The following COMMD1 variants were observed in gnomAD, a reference collection of about 807,000 sequenced individuals.
COMMD1 encodes copper metabolism domain containing 1.
Under a neutral mutation model 17.2 loss-of-function variants are expected in COMMD1, and 10 were observed. The ratio of observed to expected loss-of-function variants is 0.58; its 90% CI spans 0.36 to 0.99. The LOEUF is 0.99. Among genes scored for constraint, COMMD1 ranks in the 50% least tolerant of loss-of-function variants. The pLI, the probability that COMMD1 is intolerant of heterozygous loss-of-function variation, is 0.01. For missense variants in COMMD1, 270 were observed against 231.8 expected (o/e 1.17, Z -1.07); for synonymous variants, 97 against 91.6 (o/e 1.06, Z -0.34).
At chr2:61,922,129 G>C (rs1004095220) in intron 1 of COMMD1, among the ~76,000 whole-genome samples, 3 of 152,122 alleles carry the variant, frequency 2.0e-5, no homozygotes, top group Non-Finnish European at 2.9e-5. Flanking sequence ...ATAATGTTTT[G>C]TGTTATGATA....
At chr2:61,977,241 C>CATTTTTTTTTTTTTTTT (rs1365232073) in intron 1 of COMMD1, among the ~76,000 whole-genome samples, 1 of 88,810 alleles carries the variant, frequency 1.1e-5, no homozygotes, top group Non-Finnish European at 2.2e-5. Context: ...ATAAAGTTTG[C>CATTTTTTTTTTTTTTTT]TTTTTTTTTT....
At chr2:62,047,365 C>T (rs953064783) in intron 2 of COMMD1, among the ~76,000 whole-genome samples, 57 of 152,106 alleles carry the variant, frequency 3.7e-4, no homozygotes, top group Non-Finnish European at 2.9e-5. Flanking sequence ...ACAGTAATGT[C>T]CTAGGCCTTC....
chr2:61,920,982 T>TATATA (rs1553367990), intron 1 of COMMD1, among the ~76,000 whole-genome samples: 10 of 108,660 alleles, frequency 9.2e-5, no homozygotes, highest in African/African-American at 1.1e-4. Context: ...TATATATATA[T>TATATA]TTTTTTTTTT....
At chr2:62,040,819 T>C (rs1353382255) in intron 2 of COMMD1, among the ~76,000 whole-genome samples, 1 of 152,160 alleles carries the variant, frequency 6.6e-6, no homozygotes, top group Non-Finnish European at 1.5e-5. Context: ...CAAGCAGTTC[T>C]CGTGCTTCAG....
chr2:61,948,912 G>A (rs1210896062), intron 1 of COMMD1, among the ~76,000 whole-genome samples: 2 of 152,126 alleles, frequency 1.3e-5, no homozygotes, highest in Admixed American at 6.5e-5. Context: ...TTGAGGAGGT[G>A]GAGTCTGAAG....
At chr2:62,058,024 AG>A (rs1369471354) in intron 2 of COMMD1, among the ~76,000 whole-genome samples, 1 of 152,080 alleles carries the variant, frequency 6.6e-6, no homozygotes, top group Admixed American at 6.5e-5. Context: ...GGGCTCTTCT[AG>A]GTATCTTACT....
intron 2 of COMMD1, among the ~76,000 whole-genome samples, chr2:62,035,786 C>T (rs1214993658): frequency 6.7e-6 from 1 of 148,928 alleles, no homozygotes; most frequent in African/African-American, 2.5e-5. Flanking sequence ...CATGGTGGCT[C>T]ATGCCTGTAA....
intron 1 of COMMD1, among the ~76,000 whole-genome samples, chr2:61,976,611 C>CA (rs1276542163): frequency 6.6e-6 from 1 of 151,926 alleles, no homozygotes; most frequent in Non-Finnish European, 1.5e-5. Context: ...ATGTAGCAGG[C>CA]AAAAAATCAC....
At position 62,000,768 on chromosome 2, in the gene COMMD1, A is replaced by G; in HGVS notation, c.248A>G (p.Gln83Arg). The change falls in exon 2 of 3, where the codon CAA becomes CGA. Residue 83 changes from glutamine to arginine, a missense_variant. Transcript: ENST00000311832. The part of the protein sequence containing the change: ...EAFLTAQTKK[Q>R]GGITSDQAAV... ...TTCTTGACTGCTCAAACCAAAAAGC[A>G]AGGTGGGATCACATCTGACCAAGCT... 6.2e-7 allele frequency: 1 copy of G among 1,614,202 alleles called. No homozygotes were observed. Among genetic ancestry groups the G allele is most frequent in the Non-Finnish European group, 8.5e-7 (1 of 1,180,034 alleles).
intron 2 of COMMD1, among the ~76,000 whole-genome samples, chr2:62,080,111 AT>A (rs1247935964): frequency 6.6e-6 from 1 of 152,182 alleles, no homozygotes; most frequent in East Asian, 1.9e-4. Flanking sequence ...TAAGAATCAT[AT>A]AAACAATATG....
intron 2 of COMMD1, among the ~76,000 whole-genome samples, chr2:62,040,033 G>A (rs929951821): frequency 6.6e-6 from 1 of 152,160 alleles, no homozygotes; most frequent in African/African-American, 2.4e-5. Context: ...AGACTTGGGG[G>A]ATTGCGTGAG....
chr2:62,000,680 C>G (rs766643311), intron 1 of COMMD1, 21 bp from the exon 2 acceptor site: 1 of 1,613,276 alleles, frequency 6.2e-7, no homozygotes, highest in East Asian at 2.2e-5. Context: ...AAATTTTTTG[C>G]TTTTTCTGTC....
At chr2:62,007,099 A>T (rs1248529628) in intron 2 of COMMD1, among the ~76,000 whole-genome samples, 1 of 152,204 alleles carries the variant, frequency 6.6e-6, no homozygotes, top group African/African-American at 2.4e-5. Context: ...ATCCCAAAAT[A>T]TAAAACTCTT....
chr2:61,922,451 G>A (rs1670223734), intron 1 of COMMD1, among the ~76,000 whole-genome samples: 1 of 152,078 alleles, frequency 6.6e-6, no homozygotes, highest in Non-Finnish European at 1.5e-5. Flanking sequence ...CCAAGTAGCT[G>A]GGATTATAGG....
rs11310507 is a variant in COMMD1, at chr2:62,002,491, GAAAAAAAAAAAAAAAAAAAA to G, written c.462+1523_462+1542del. 2.6e-4 allele frequency among the ~76,000 whole-genome samples: 9 copies of G among 35,086 alleles called. No individual in the cohort carries two copies. In the South Asian group the frequency reaches 0.013, roughly 49 times the overall value. The allele number at this position is 35,086 out of a possible 152,430, so 23.0% of individuals were successfully genotyped here. A position where few individuals can be genotyped will look rare whatever the true frequency, so the allele number is the denominator to read the frequency against. ...GGGTGACAAGAGCGAGATTCCACCA[GAAAAAAAAAAAAAAAAAAAA>G]AAAAAAAAAAAAAGATAATTCATTA... On this transcript the variant is annotated intron_variant, in intron 2 of 2. Transcript: ENST00000311832.
At chr2:62,090,484 A>C (rs1488917734) in intron 2 of COMMD1, among the ~76,000 whole-genome samples, 4 of 152,204 alleles carry the variant, frequency 2.6e-5, no homozygotes, top group Non-Finnish European at 1.5e-5. Flanking sequence ...CATCCTGAGG[A>C]GGGTATAAAT....
chr2:62,055,275 T>C (rs1670660632), intron 2 of COMMD1, among the ~76,000 whole-genome samples: 1 of 152,120 alleles, frequency 6.6e-6, no homozygotes, highest in South Asian at 2.1e-4. Flanking sequence ...TCACTGACAG[T>C]TTTGTTAGCC....
At chr2:62,082,365 TC>T (rs1671547897) in intron 2 of COMMD1, among the ~76,000 whole-genome samples, 1 of 152,158 alleles carries the variant, frequency 6.6e-6, no homozygotes, top group Admixed American at 6.5e-5. Context: ...CTTAGAACAC[TC>T]AAGTGGTAAT....
intron 1 of COMMD1, among the ~76,000 whole-genome samples, chr2:61,914,539 C>T (rs1022298824): frequency 3.3e-5 from 5 of 152,002 alleles, no homozygotes; most frequent in Non-Finnish European, 5.9e-5. Context: ...CACTACTGCA[C>T]TCCAGCCTGG....
Sources: gnomAD v4.1 joint callset for allele counts (sites outside exome capture counted in the v4.1 genomes callset) on GRCh38, gnomAD v4.1.1 for gene constraint, MANE v1.5 for transcripts, NCBI Gene and HGNC (gene_info 2026-07-23, HGNC 2026-07-21) for gene names.